CNTNAP4: variants seen among roughly 807,000 people sequenced by gnomAD.
CNTNAP4 encodes the protein contactin-associated protein-like 4.
CNTNAP4 carries 98 observed loss-of-function variants against 148.4 expected under a neutral mutation model. The ratio of observed to expected loss-of-function variants is 0.66; its 90% CI spans 0.56 to 0.78. The LOEUF is 0.78. CNTNAP4 is among the 30% of genes least tolerant of loss of function. The pLI, the probability that CNTNAP4 is intolerant of heterozygous loss-of-function variation, is 0.00. For synonymous variants in CNTNAP4, 730 were observed against 565.1 expected (o/e 1.29, Z -4.14); for missense variants, 1,935 against 1,565.6 (o/e 1.24, Z -3.98).
chr16:76,543,384 T>C (rs1021936372), intron 21 of CNTNAP4, among the ~76,000 whole-genome samples: 2 of 152,242 alleles, frequency 1.3e-5, no homozygotes, highest in African/African-American at 2.4e-5. Context: ...GTTATTAATA[T>C]TTCAAAGAGA....
chr16:76,458,225 C>A (rs1377354818), intron 8 of CNTNAP4, among the ~76,000 whole-genome samples: 1 of 152,004 alleles, frequency 6.6e-6, no homozygotes, highest in Admixed American at 6.6e-5. Context: ...GATTCCATGT[C>A]TCTGCTATTG....
chr16:76,483,308 TC>T, intron 12 of CNTNAP4, among the ~76,000 whole-genome samples: 2 of 150,870 alleles, frequency 1.3e-5, no homozygotes, highest in Middle Eastern at 6.8e-3. Flanking sequence ...GTCGTTATGT[TC>T]CGTAAAGTAA....
At chr16:76,556,719 T>G (rs1431984466) in intron 23 of CNTNAP4, among the ~76,000 whole-genome samples, 3 of 152,228 alleles carry the variant, frequency 2.0e-5, no homozygotes, top group Non-Finnish European at 2.9e-5. Flanking sequence ...ATATTCTGAT[T>G]AAAGTTATTC....
At chr16:76,308,056 A>G (rs535802284) in intron 1 of CNTNAP4, among the ~76,000 whole-genome samples, 2 of 152,342 alleles carry the variant, frequency 1.3e-5, no homozygotes, top group South Asian at 4.1e-4. Flanking sequence ...TTAGAAAATT[A>G]TCCCTGTCTT....
rs191955431 is a variant in CNTNAP4, at chr16:76,528,119, T to C, written c.2755+5862T>C. On this transcript the variant is annotated intron_variant, in intron 17 of 23. Transcript: ENST00000611870. ...TTCAATAACATGGAAATATATTAATTTGAGATACTGTGCTTAACACTTTAC... is the reference window on the plus strand; with the variant it reads ...TTCAATAACATGGAAATATATTAATCTGAGATACTGTGCTTAACACTTTAC... 4.7e-3 allele frequency among the ~76,000 whole-genome samples: 719 copies of C among 152,304 alleles called. 4 individuals carry two copies. Among genetic ancestry groups the C allele is most frequent in the African/African-American group, 0.017 (699 of 41,584 alleles).
intron 2 of CNTNAP4, among the ~76,000 whole-genome samples, chr16:76,349,446 A>G (rs1448039200): frequency 6.6e-6 from 1 of 152,152 alleles, no homozygotes; most frequent in Non-Finnish European, 1.5e-5. Flanking sequence ...TCCAGCTGAA[A>G]CAAACAACAC....
intron 3 of CNTNAP4, among the ~76,000 whole-genome samples, chr16:76,365,561 G>A (rs181860874): frequency 3.9e-5 from 6 of 152,060 alleles, no homozygotes; most frequent in African/African-American, 1.4e-4. Context: ...AACTAGCCTG[G>A]CCAACATGGT....
At chr16:76,536,467 A>T (rs2084217703) in intron 18 of CNTNAP4, among the ~76,000 whole-genome samples, 1 of 152,178 alleles carries the variant, frequency 6.6e-6, no homozygotes, top group Admixed American at 6.5e-5. Context: ...AAGTGCTGGG[A>T]TTACAGACGT....
At chr16:76,503,885 A>G (rs181457348) in intron 15 of CNTNAP4, among the ~76,000 whole-genome samples, 157 of 152,268 alleles carry the variant, frequency 1.0e-3, no homozygotes, top group African/African-American at 3.6e-3. Context: ...TTTTAAAAGT[A>G]CCATTTTTAT....
At chr16:76,355,169 C>G (rs1369471183) in intron 2 of CNTNAP4, 149 bp from the exon 3 acceptor site, 6 of 477,046 alleles carry the variant, frequency 1.3e-5, no homozygotes, top group Non-Finnish European at 1.5e-5. Context: ...ATTCTTACCT[C>G]TATATTTTTC....
At chr16:76,454,111 C>CTTTTT (rs11302612) in intron 8 of CNTNAP4, among the ~76,000 whole-genome samples, 8 of 130,096 alleles carry the variant, frequency 6.1e-5, no homozygotes, top group African/African-American at 1.4e-4. Context: ...CTATTTCTTT[C>CTTTTT]TTTTTTTTTT....
Position 76,521,444 on chromosome 16 carries a change from A to G in CNTNAP4, c.2536+134A>G, listed in dbSNP as rs2083450290. On this transcript the variant is annotated intron_variant, in intron 16 of 23. Coordinates refer to ENST00000611870, the MANE Select transcript of CNTNAP4 (RefSeq NM_033401.5). Reference sequence around the variant, plus strand: ...ATTGCGCCCCTTTGAAAAACTCAATAATATTAACTTATCCTGTTTGTAAGA... The same window carrying G: ...ATTGCGCCCCTTTGAAAAACTCAATGATATTAACTTATCCTGTTTGTAAGA... 48 of 637,178 alleles carry G rather than the reference A, an allele frequency of 7.5e-5. No homozygotes were observed. The South Asian group carries it at 8.8e-4, about 12-fold the overall frequency. The allele number at this position is 637,178 out of a possible 1,614,324, so 39.5% of individuals were successfully genotyped here. A position where few individuals can be genotyped will look rare whatever the true frequency, so the allele number is the denominator to read the frequency against.
At chr16:76,441,811 C>T (rs191589262) in intron 4 of CNTNAP4, among the ~76,000 whole-genome samples, 1 of 152,140 alleles carries the variant, frequency 6.6e-6, no homozygotes, top group African/African-American at 2.4e-5. Context: ...AATCCTAGTG[C>T]TAGCATTAGT....
At chr16:76,329,634 A>G (rs1261888059) in intron 2 of CNTNAP4, among the ~76,000 whole-genome samples, 1 of 152,184 alleles carries the variant, frequency 6.6e-6, no homozygotes, top group African/African-American at 2.4e-5. Flanking sequence ...TATATATGTA[A>G]TAATTTAAAT....
intron 14 of CNTNAP4, among the ~76,000 whole-genome samples, chr16:76,496,911 T>C (rs1168168102): frequency 6.6e-6 from 1 of 152,176 alleles, no homozygotes; most frequent in African/African-American, 2.4e-5. Context: ...TAAAAATATT[T>C]GAAGACTTAA....
At chr16:76,348,075 G>A (rs1454013954) in intron 2 of CNTNAP4, among the ~76,000 whole-genome samples, 1 of 152,100 alleles carries the variant, frequency 6.6e-6, no homozygotes, top group Non-Finnish European at 1.5e-5. Context: ...AATCAAAGGA[G>A]CATCCATGAA....
intron 11 of CNTNAP4, among the ~76,000 whole-genome samples, chr16:76,477,114 C>T (rs1331059569): frequency 3.9e-5 from 6 of 152,050 alleles, no homozygotes; most frequent in African/African-American, 1.4e-4. Context: ...TTCAAGGCTA[C>T]TTAAAATAGT....
intron 15 of CNTNAP4, among the ~76,000 whole-genome samples, chr16:76,512,299 A>C (rs2083058952): frequency 6.6e-6 from 1 of 152,168 alleles, no homozygotes; most frequent in African/African-American, 2.4e-5. Context: ...TAGTGAGATT[A>C]AATAGGGAAA....
intron 21 of CNTNAP4, among the ~76,000 whole-genome samples, chr16:76,548,395 A>G (rs2084827435): frequency 6.7e-6 from 1 of 150,288 alleles, no homozygotes; most frequent in Non-Finnish European, 1.5e-5. Flanking sequence ...TAGGACATAT[A>G]AAGTACTTCG....
Sources: gnomAD v4.1 joint callset for allele counts (sites outside exome capture counted in the v4.1 genomes callset) on GRCh38, gnomAD v4.1.1 for gene constraint, MANE v1.5 for transcripts, NCBI Gene and HGNC (gene_info 2026-07-23, HGNC 2026-07-21) for gene names.